The following AGPAT3 variants were observed in gnomAD, a reference collection of about 807,000 sequenced individuals.
AGPAT3 encodes the protein 1-acylglycerol-3-phosphate O-acyltransferase 3.
AGPAT3 carries 5 observed loss-of-function variants against 47.3 expected under a neutral mutation model. The ratio of observed to expected loss-of-function variants is 0.11; its 90% CI spans 0.06 to 0.22. AGPAT3 has a LOEUF of 0.22. Among genes scored for constraint, AGPAT3 ranks in the 10% least tolerant of loss-of-function variants. The pLI, the probability that AGPAT3 is intolerant of heterozygous loss-of-function variation, is 1.00. For missense variants in AGPAT3, 315 were observed against 493.0 expected, an observed-to-expected ratio of 0.64 and a Z score of 3.42; for synonymous variants, 212 against 208.3, an observed-to-expected ratio of 1.02 and a Z score of -0.15.
At chr21:43,884,309 C>G (rs1569044780) in intron 1 of AGPAT3, among the ~76,000 whole-genome samples, 1 of 140,214 alleles carries the variant, frequency 7.1e-6, no homozygotes, top group Admixed American at 7.3e-5. Flanking sequence ...CTGCTGAGGG[C>G]ATTTGGCCTC....
At chr21:43,946,325 C>G (rs2087887186) in intron 2 of AGPAT3, among the ~76,000 whole-genome samples, 1 of 151,938 alleles carries the variant, frequency 6.6e-6, no homozygotes, top group South Asian at 2.1e-4. Context: ...TGAGGCCAGG[C>G]ACAGTGGCTC....
chr21:43,898,503 T>C (rs1451930145), intron 1 of AGPAT3, among the ~76,000 whole-genome samples: 1 of 152,238 alleles, frequency 6.6e-6, no homozygotes, highest in African/African-American at 2.4e-5. Context: ...TAATGCCCCT[T>C]ACAACTAATA....
intron 1 of AGPAT3, among the ~76,000 whole-genome samples, chr21:43,897,546 G>A (rs1212027526): frequency 6.6e-6 from 1 of 151,418 alleles, no homozygotes; most frequent in Non-Finnish European, 1.5e-5. Flanking sequence ...TCACATCCCA[G>A]AGGGGGCGGC....
Position 43,934,864 on chromosome 21 carries a change from C to T in AGPAT3, c.-48-24770C>T, listed in dbSNP as rs2087381962. Among the ~76,000 whole-genome samples, 1 of 149,678 alleles carries T rather than the reference C, an allele frequency of 6.7e-6. No individual in the cohort carries two copies. Among genetic ancestry groups the T allele is most frequent in the South Asian group, 2.1e-4 (1 of 4,678 alleles). ...ACGCCACTCACATGCCACTCACATG[C>T]CATTGACACGCCACCCACGCCACTC... On this transcript the variant is annotated intron_variant, in intron 2 of 9. Transcript: ENST00000291572. This position sits in a 1 kb window ranked among gnomAD's most constrained non-coding sequence, Gnocchi z 4.7.
At chr21:43,980,556 T>G (rs981507029) in intron 8 of AGPAT3, among the ~76,000 whole-genome samples, 2 of 152,226 alleles carry the variant, frequency 1.3e-5, no homozygotes, top group Admixed American at 6.5e-5. Context: ...TAAGGAACTT[T>G]CCTTGGGCCG....
chr21:43,959,644 C>T lies in AGPAT3; in HGVS notation c.-38C>T, dbSNP rs751485769. ...TCCCTGTCTTTGCAGGACGGCTGTC[C>T]TCAGCGAGGGGCCGTGCACCCGCTC... is the stretch of plus-strand genomic sequence containing the variant. On this transcript the variant is annotated 5_prime_UTR_variant, in exon 3 of 10. Transcript: ENST00000291572. 2.5e-6 allele frequency: 4 copies of T among 1,607,162 alleles called. No individual in the cohort carries two copies. The highest frequency in any genetic ancestry group is 3.4e-6 in the Non-Finnish European group (4 of 1,179,810).
intron 1 of AGPAT3, among the ~76,000 whole-genome samples, chr21:43,900,457 G>A (rs995077582): frequency 2.0e-5 from 3 of 152,162 alleles, no homozygotes; most frequent in African/African-American, 7.2e-5. Flanking sequence ...GTAGCCCAGC[G>A]TGTCACCTGC....
intron 2 of AGPAT3, among the ~76,000 whole-genome samples, chr21:43,918,751 AT>A (rs1006462469): frequency 7.2e-5 from 11 of 151,948 alleles, no homozygotes; most frequent in Non-Finnish European, 8.8e-5. Flanking sequence ...TAATTTTTCT[AT>A]TTTTAGTAGA....
At chr21:43,918,116 T>A in intron 2 of AGPAT3, among the ~76,000 whole-genome samples, 1 of 132,966 alleles carries the variant, frequency 7.5e-6, no homozygotes, top group Non-Finnish European at 1.6e-5. Flanking sequence ...TGTTGTGTTA[T>A]GGGTGTTGTG....
chr21:43,897,715 C>T (rs1290818360), intron 1 of AGPAT3, among the ~76,000 whole-genome samples: 4 of 151,444 alleles, frequency 2.6e-5, no homozygotes, highest in East Asian at 1.9e-4. Flanking sequence ...TGGGCAGAGA[C>T]GCTCCTCACT....
chr21:43,982,247 CA>C lies in AGPAT3; in HGVS notation c.1043-56del. On this transcript the variant is annotated intron_variant, in intron 9 of 9. Coordinates refer to ENST00000291572, the MANE Select transcript of AGPAT3 (RefSeq NM_020132.5). This position sits in a 1 kb window ranked among gnomAD's most constrained non-coding sequence, Gnocchi z 6.2. ...AAGGAAGCCCCAGTAACACGTTTTA[CA>C]GCAAAAAGGCAAAGTCATCCGTCTC... 3 of 1,391,356 alleles carry C rather than the reference CA, an allele frequency of 2.2e-6. No individual in the cohort carries two copies. Among genetic ancestry groups the C allele is most frequent in the South Asian group, 1.2e-5 (1 of 84,670 alleles). The allele number at this position is 1,391,356 out of a possible 1,614,324, so 86.2% of individuals were successfully genotyped here.
intron 2 of AGPAT3, among the ~76,000 whole-genome samples, chr21:43,928,450 C>T (rs1384228751): frequency 6.6e-6 from 1 of 152,212 alleles, no homozygotes; most frequent in Non-Finnish European, 1.5e-5. Context: ...AGACATTCTG[C>T]AGATCAGCGT....
chr21:43,894,309 T>C (rs535005589), intron 1 of AGPAT3, among the ~76,000 whole-genome samples: 1 of 151,906 alleles, frequency 6.6e-6, no homozygotes, highest in Non-Finnish European at 1.5e-5. Flanking sequence ...GAAATCGTTC[T>C]GAACTTAGCA....
At chr21:43,959,485 T>C in intron 2 of AGPAT3, 149 bp from the exon 3 acceptor site, 3 of 671,104 alleles carry the variant, frequency 4.5e-6, no homozygotes, top group Non-Finnish European at 7.7e-6. Context: ...TGTATGTGTG[T>C]GGCACGTGTG....
rs1359648571 is a variant in AGPAT3 at position 43,955,791 on chromosome 21, A to G, written c.-48-3843A>G. On this transcript the variant is annotated intron_variant, in intron 2 of 9. Coordinates refer to ENST00000291572, the MANE Select transcript of AGPAT3 (RefSeq NM_020132.5). This position sits in a 1 kb window ranked among gnomAD's most constrained non-coding sequence, Gnocchi z 4.1. ...CATGGTGGTGCATACCTGTGGTCCC[A>G]GCTACTCGGGAGGCTGAGGCATGAG... is the stretch of plus-strand genomic sequence containing the variant. Among the ~76,000 whole-genome samples, 1 of 151,920 alleles carries G rather than the reference A, an allele frequency of 6.6e-6. No individual in the cohort carries two copies. The highest frequency in any genetic ancestry group is 1.5e-5 in the Non-Finnish European group (1 of 67,964).
At chr21:43,905,153 AAATATTTATTTATTTATT>A (rs2146042602) in intron 2 of AGPAT3, among the ~76,000 whole-genome samples, 1 of 140,826 alleles carries the variant, frequency 7.1e-6, no homozygotes, top group African/African-American at 2.7e-5. Context: ...TTTTTAAAAA[AAATATTTATTTATTTATT>A]TATTTATTTA....
intron 1 of AGPAT3, among the ~76,000 whole-genome samples, chr21:43,878,875 G>C (rs894711405): frequency 6.6e-6 from 1 of 151,920 alleles, no homozygotes; most frequent in Non-Finnish European, 1.5e-5. Context: ...GGAGTAGCTG[G>C]GATTGAAGTT....
At chr21:43,882,339 T>G (rs1447954143) in intron 1 of AGPAT3, among the ~76,000 whole-genome samples, 1 of 152,270 alleles carries the variant, frequency 6.6e-6, no homozygotes, top group Admixed American at 6.5e-5. Context: ...TAGATTGCAC[T>G]CAGGATTTCA....
At chr21:43,913,296 A>G (rs2086664616) in intron 2 of AGPAT3, among the ~76,000 whole-genome samples, 1 of 152,086 alleles carries the variant, frequency 6.6e-6, no homozygotes, top group Non-Finnish European at 1.5e-5. Context: ...GGCAGTTTAC[A>G]CTCTTAAAAA....
Sources: allele counts gnomAD v4.1 joint callset (sites outside exome capture counted in the v4.1 genomes callset), GRCh38; gene constraint gnomAD v4.1.1; non-coding constraint Gnocchi (gnomAD v3.1); transcripts MANE v1.5; gene names NCBI Gene and HGNC (gene_info 2026-07-23, HGNC 2026-07-21).